Variants in ADAMTS20 observed in about 807,000 individuals in gnomAD.
The protein encoded by ADAMTS20 is ADAM metallopeptidase with thrombospondin type 1 motif 20.
ADAMTS20 carries 225 observed loss-of-function variants against 260.1 expected under a neutral mutation model. The ratio of observed to expected loss-of-function variants is 0.87; its 90% CI spans 0.78 to 0.97. ADAMTS20 has a LOEUF of 0.97. Ranked by LOEUF, ADAMTS20 falls within the 50% of genes least tolerant of loss-of-function variation. ADAMTS20 has a pLI of 0.00. For missense variants in ADAMTS20, 2,400 were observed against 2,337.7 expected, an observed-to-expected ratio of 1.03 and a Z score of -0.55; for synonymous variants, 802 against 769.5, an observed-to-expected ratio of 1.04 and a Z score of -0.70.
At chr12:43,399,692 A>G (rs1183744294) in intron 28 of ADAMTS20, among the ~76,000 whole-genome samples, 1 of 152,112 alleles carries the variant, frequency 6.6e-6, no homozygotes, top group Non-Finnish European at 1.5e-5. Context: ...AGTGCAGAAA[A>G]CTGATTGAGA....
intron 15 of ADAMTS20, among the ~76,000 whole-genome samples, chr12:43,444,933 G>T (rs1205538232): frequency 1.3e-5 from 2 of 152,250 alleles, no homozygotes; most frequent in East Asian, 3.9e-4. Flanking sequence ...AAGACGATAA[G>T]AAATAGTTTC....
At chr12:43,526,319 G>A (rs763439326) in intron 3 of ADAMTS20, among the ~76,000 whole-genome samples, 5 of 152,076 alleles carry the variant, frequency 3.3e-5, no homozygotes, top group East Asian at 1.9e-4. Flanking sequence ...TTAGCCAGGC[G>A]TGGTGGCGGG....
intron 28 of ADAMTS20, among the ~76,000 whole-genome samples, chr12:43,419,220 G>C (rs1246840925): frequency 1.3e-5 from 2 of 151,940 alleles, no homozygotes; most frequent in Admixed American, 6.6e-5. Flanking sequence ...TGCAATGTAT[G>C]ACTATATAAT....
chr12:43,413,499 G>C (rs1941072033), intron 28 of ADAMTS20, among the ~76,000 whole-genome samples: 1 of 151,934 alleles, frequency 6.6e-6, no homozygotes, highest in South Asian at 2.1e-4. Flanking sequence ...GGTATTTTAG[G>C]TATGTTGTTA....
At chr12:43,455,024 C>T (rs1941939216) in intron 11 of ADAMTS20, among the ~76,000 whole-genome samples, 1 of 152,000 alleles carries the variant, frequency 6.6e-6, no homozygotes, top group Non-Finnish European at 1.5e-5. Context: ...AAACTGAAGC[C>T]CTATACCCAT....
rs1233015720 is a variant in ADAMTS20 at position 43,397,453 on chromosome 12, A to C, written c.4452+1613T>G. Among the ~76,000 whole-genome samples, 3 of 152,198 alleles carry C rather than the reference A, an allele frequency of 2.0e-5. No individual in the cohort carries two copies. The South Asian group carries it at 6.2e-4, about 31-fold the overall frequency. On this transcript the variant is annotated intron_variant, in intron 29 of 38. Transcript: ENST00000389420. ...AAAATATATGTAGAGAGGCCATTAC[A>C]GACTCAGGAACAGATGATGATGAAC...
intron 3 of ADAMTS20, among the ~76,000 whole-genome samples, chr12:43,528,455 A>G (rs996723986): frequency 2.0e-5 from 3 of 151,540 alleles, no homozygotes; most frequent in African/African-American, 7.3e-5. Flanking sequence ...GTACTGGCAT[A>G]AAAGTAGGCA....
chr12:43,362,314 G>A (rs763109933), intron 37 of ADAMTS20, among the ~76,000 whole-genome samples: 1 of 152,168 alleles, frequency 6.6e-6, no homozygotes, highest in Non-Finnish European at 1.5e-5. Flanking sequence ...CAGGAGAGGA[G>A]GGACTCAGCA....
At chr12:43,389,259 T>G (rs1045413740) in intron 29 of ADAMTS20, among the ~76,000 whole-genome samples, 9 of 152,166 alleles carry the variant, frequency 5.9e-5, no homozygotes, top group African/African-American at 2.2e-4. Context: ...GGCAAATATC[T>G]CTTCAGCTGT....
chr12:43,551,157 C>A lies in ADAMTS20; in HGVS notation c.205G>T (p.Glu69Ter), dbSNP rs750389153. Reference protein sequence around the residue: ...HHFSRQKRSSEALEPMPFRTH... With the variant: ...HHFSRQKRSS The stretch of plus-strand genomic sequence containing the variant: ...CGGAACGGCATGGGTTCCAGCGCCT[C>A]GGAGCTGCGTTTCTGCCGGCTGAAG... Residue 69 changes from glutamate to a stop codon, truncating the protein, a stop_gained, in exon 2 of 39, where the codon GAG (glutamate) becomes TAG (stop). Transcript: ENST00000389420. LOFTEE classifies it high-confidence loss of function. This position sits in a 1 kb window ranked among gnomAD's most constrained non-coding sequence, Gnocchi z 4.6. 1 of 1,613,922 alleles carries A rather than the reference C, an allele frequency of 6.2e-7. No homozygotes were observed. The highest frequency in any genetic ancestry group is 8.5e-7 in the Non-Finnish European group (1 of 1,179,870).
At chr12:43,439,512 ATG>A in intron 18 of ADAMTS20, 108 bp downstream of exon 18, 1 of 1,233,512 alleles carries the variant, frequency 8.1e-7, no homozygotes, top group South Asian at 1.7e-5. Flanking sequence ...TCTGTGGGAT[ATG>A]TGTATGGACA....
intron 18 of ADAMTS20, among the ~76,000 whole-genome samples, chr12:43,439,195 G>A (rs1941612396): frequency 6.6e-6 from 1 of 151,896 alleles, no homozygotes. Flanking sequence ...TCATGGTCAG[G>A]GAAGGAAAAT....
intron 2 of ADAMTS20, among the ~76,000 whole-genome samples, chr12:43,542,790 C>A (rs1193036458): frequency 6.6e-6 from 1 of 152,202 alleles, no homozygotes. Flanking sequence ...AGGGATTATA[C>A]TGTCAAAGAA....
Position 43,532,143 on chromosome 12 carries a change from T to G in ADAMTS20, c.506A>C (p.Lys169Thr). The G allele has an allele frequency of 1.2e-6, 2 of 1,612,276 alleles. No homozygotes were observed. The highest frequency in any genetic ancestry group is 8.5e-7 in the Non-Finnish European group (1 of 1,179,172). The change falls in exon 3 of 39, where the codon AAG becomes ACG. Residue 169 changes from lysine (K) to threonine (T), a missense_variant. Physicochemically the swap from Lys to Thr is moderately conservative, Grantham distance 78 (BLOSUM62 -1). Coordinates refer to ENST00000389420, the MANE Select transcript of ADAMTS20 (RefSeq NM_025003.5). The part of the protein sequence containing the change: ...NGEYFLEPIM[K>T]ADGNEYEDGH... ...ATCTTCATATTCATTCCCATCTGCCTTCATTATAGGTTCTAAGAAATATTC... is the reference window on the plus strand; with the variant it reads ...ATCTTCATATTCATTCCCATCTGCCGTCATTATAGGTTCTAAGAAATATTC...
At chr12:43,459,614 G>A (rs1039421478) in intron 11 of ADAMTS20, among the ~76,000 whole-genome samples, 8 of 152,196 alleles carry the variant, frequency 5.3e-5, no homozygotes, top group Non-Finnish European at 1.0e-4. Flanking sequence ...AGCAACAGAA[G>A]AAAATGAGAA....
chr12:43,524,626 G>A (rs1406112882), intron 3 of ADAMTS20, among the ~76,000 whole-genome samples: 1 of 152,072 alleles, frequency 6.6e-6, no homozygotes, highest in East Asian at 1.9e-4. Flanking sequence ...TTCAGAGCAT[G>A]AATGGAAAAA....
At chr12:43,407,292 A>T (rs1940937563) in intron 28 of ADAMTS20, among the ~76,000 whole-genome samples, 1 of 151,842 alleles carries the variant, frequency 6.6e-6, no homozygotes, top group African/African-American at 2.4e-5. Context: ...AACAACAAAT[A>T]TATCCAGCAG....
Position 43,427,307 on chromosome 12 carries a change from C to A in ADAMTS20, c.4107+1G>T, listed in dbSNP as rs1941351248. 6.2e-7 allele frequency: 1 copy of A among 1,610,944 alleles called. No individual in the cohort carries two copies. Among genetic ancestry groups the A allele is most frequent in the Non-Finnish European group, 8.5e-7 (1 of 1,179,068 alleles). ...CAAGTTTAGAAAATATTATGACTTA[C>A]TTCTCCCCAATTTCCGTAGTTCCAC... On this transcript the variant is annotated splice_donor_variant, in intron 27 of 38. Transcript: ENST00000389420. LOFTEE classifies it high-confidence loss of function.
At chr12:43,465,431 G>A (rs148305749) in intron 9 of ADAMTS20, among the ~76,000 whole-genome samples, 1 of 152,024 alleles carries the variant, frequency 6.6e-6, no homozygotes, top group African/African-American at 2.4e-5. Context: ...GAATGACTTA[G>A]GAAAAACATG....
Sources: gnomAD v4.1 joint callset for allele counts (sites outside exome capture counted in the v4.1 genomes callset) on GRCh38, gnomAD v4.1.1 for gene constraint, Gnocchi (gnomAD v3.1) non-coding constraint, MANE v1.5 for transcripts, NCBI Gene and HGNC (gene_info 2026-07-23, HGNC 2026-07-21) for gene names.